Variants in SNW1 observed in about 807,000 individuals in gnomAD.
SNW1 encodes SNW domain containing 1.
In SNW1, 9 loss-of-function variants were observed where a neutral mutation model predicts 75.6. That is an observed-to-expected ratio of 0.12 (90% CI 0.07 to 0.21). The LOEUF (loss-of-function observed/expected upper bound fraction) is 0.21, where lower values mean the gene tolerates loss of function less well. Among genes scored for constraint, SNW1 ranks in the 10% least tolerant of loss-of-function variants. SNW1 has a pLI of 1.00. For synonymous variants in SNW1, 200 were observed against 219.1 expected, an observed-to-expected ratio of 0.91 and a Z score of 0.77; for missense variants, 409 against 670.9, an observed-to-expected ratio of 0.61 and a Z score of 4.31.
At chr14:77,737,649 A>G (rs1387594553) in intron 5 of SNW1, among the ~76,000 whole-genome samples, 2 of 152,196 alleles carry the variant, frequency 1.3e-5, no homozygotes, top group Non-Finnish European at 2.9e-5. Context: ...GATTTAGGTC[A>G]TATACCACAA....
intron 1 of SNW1, chr14:77,760,596 G>A: frequency 1.4e-6 from 1 of 693,094 alleles, no homozygotes; most frequent in Admixed American, 2.0e-5. Flanking sequence ...TCAGCAGACG[G>A]CGGTCACTAC....
chr14:77,728,163 G>T (rs1483422857), intron 10 of SNW1, among the ~76,000 whole-genome samples: 1 of 151,900 alleles, frequency 6.6e-6, no homozygotes, highest in Non-Finnish European at 1.5e-5. Flanking sequence ...TAAAATGTCA[G>T]GAAAGGCTGG....
intron 10 of SNW1, among the ~76,000 whole-genome samples, chr14:77,725,191 T>G (rs1419206145): frequency 6.6e-6 from 1 of 152,232 alleles, no homozygotes; most frequent in Non-Finnish European, 1.5e-5. Context: ...TAAAATCAGA[T>G]TATCTCGTTT....
chr14:77,755,158 A>T, intron 1 of SNW1, 38 bp from the exon 2 acceptor site: 1 of 1,579,552 alleles, frequency 6.3e-7, no homozygotes. Flanking sequence ...AATTTAAAAA[A>T]CTCTTATGTT....
At chr14:77,745,629 C>A (rs1025483920) in intron 3 of SNW1, among the ~76,000 whole-genome samples, 1 of 152,186 alleles carries the variant, frequency 6.6e-6, no homozygotes, top group African/African-American at 2.4e-5. Flanking sequence ...ACTGCTTGAA[C>A]TGGGAAGGCT....
In SNW1 at chr14:77,718,306, A is replaced by T. The variant is rs1356661154; in HGVS notation, c.1413-20T>A. 3 of 1,614,056 alleles carry T rather than the reference A, an allele frequency of 1.9e-6. No homozygotes were observed. The highest frequency in any genetic ancestry group is 2.2e-5 in the South Asian group (2 of 91,080). On this transcript the variant is annotated intron_variant, in intron 13 of 13. Transcript: ENST00000261531. ...ACAAATCTAAGGAAAAGGAGAAAAA[A>T]CTATGAACTACTTTGCTTTCACCAG... is the stretch of plus-strand genomic sequence containing the variant.
intron 11 of SNW1, among the ~76,000 whole-genome samples, chr14:77,721,669 ACAT>A (rs2080541731): frequency 1.3e-5 from 2 of 152,238 alleles, no homozygotes; most frequent in Admixed American, 6.5e-5. Context: ...CTTCTCCATG[ACAT>A]CATTTATCCA....
At chr14:77,721,625 C>G (rs2080541188) in intron 11 of SNW1, among the ~76,000 whole-genome samples, 1 of 152,146 alleles carries the variant, frequency 6.6e-6, no homozygotes, top group East Asian at 1.9e-4. Flanking sequence ...TCTACATGTA[C>G]TTTACCCTCA....
At chr14:77,739,560 CAT>C (rs1457861675) in intron 3 of SNW1, among the ~76,000 whole-genome samples, 2 of 150,644 alleles carry the variant, frequency 1.3e-5, no homozygotes, top group Non-Finnish European at 3.0e-5. Context: ...AGAAAATAAA[CAT>C]GTGCCACAGT....
intron 3 of SNW1, among the ~76,000 whole-genome samples, chr14:77,746,696 T>TA (rs925287825): frequency 1.1e-4 from 17 of 149,342 alleles, no homozygotes; most frequent in South Asian, 4.3e-4. Flanking sequence ...TATAGATTAA[T>TA]AAAAAAAAAT....
intron 5 of SNW1, among the ~76,000 whole-genome samples, chr14:77,737,514 T>C (rs2080682544): frequency 6.6e-6 from 1 of 152,134 alleles, no homozygotes; most frequent in African/African-American, 2.4e-5. Flanking sequence ...GCTCTGAATT[T>C]TTCCTCAATA....
In SNW1 at chr14:77,735,434, C is replaced by T. The variant is rs568807944; in HGVS notation, c.709-422G>A. ...CCAAGTAGCTGGGATTATAGGCATG[C>T]GCCACCATGCCCAGCTAATTTTTTT... On this transcript the variant is annotated intron_variant, in intron 7 of 13. Coordinates refer to ENST00000261531, the MANE Select transcript of SNW1 (RefSeq NM_012245.3). 6.6e-5 allele frequency among the ~76,000 whole-genome samples: 10 copies of T among 152,026 alleles called. No individual in the cohort carries two copies. The East Asian group carries it at 1.4e-3, about 21-fold the overall frequency.
At chr14:77,736,554 AC>A (rs1487112931) in intron 6 of SNW1, among the ~76,000 whole-genome samples, 34 of 149,062 alleles carry the variant, frequency 2.3e-4, no homozygotes, top group African/African-American at 6.7e-4. Flanking sequence ...CTCTCAAAAA[AC>A]AAAAACAAAA....
At position 77,717,663 on chromosome 14, in the gene SNW1, C is replaced by T; in HGVS notation, c.*425G>A. 8.3e-7 allele frequency: 1 copy of T among 1,206,280 alleles called. No individual in the cohort carries two copies. Among genetic ancestry groups the T allele is most frequent in the Non-Finnish European group, 1.2e-6 (1 of 842,282 alleles). 74.7% of individuals were successfully genotyped at this position (1,206,280 alleles called of 1,614,324 possible). A position where few individuals can be genotyped will look rare whatever the true frequency, so the allele number is the denominator to read the frequency against. ...CAAGCAAGAGGTTACTTTGCCCACT[C>T]CAAATTAAAACAGAGCACAATAGGG... is the stretch of plus-strand genomic sequence containing the variant. On this transcript the variant is annotated 3_prime_UTR_variant, in exon 14 of 14. Coordinates refer to ENST00000261531, the MANE Select transcript of SNW1 (RefSeq NM_012245.3).
At chr14:77,730,037 T>C (rs1463440718) in intron 10 of SNW1, among the ~76,000 whole-genome samples, 3 of 152,186 alleles carry the variant, frequency 2.0e-5, no homozygotes, top group Non-Finnish European at 4.4e-5. Context: ...CTGCTCTTCC[T>C]TGGGCCACAC....
At chr14:77,748,219 G>C (rs1023257982) in intron 3 of SNW1, among the ~76,000 whole-genome samples, 1 of 152,092 alleles carries the variant, frequency 6.6e-6, no homozygotes, top group African/African-American at 2.4e-5. Context: ...CAGCATGCTT[G>C]TTAAGAGTCA....
intron 3 of SNW1, among the ~76,000 whole-genome samples, chr14:77,739,958 C>T (rs186035763): frequency 6.6e-6 from 1 of 151,586 alleles, no homozygotes; most frequent in Admixed American, 6.6e-5. Flanking sequence ...CATGGTGAAA[C>T]CCCGTCTCTA....
intron 3 of SNW1, among the ~76,000 whole-genome samples, chr14:77,747,980 T>C (rs1468208558): frequency 6.6e-6 from 1 of 152,022 alleles, no homozygotes; most frequent in African/African-American, 2.4e-5. Flanking sequence ...AGGGGGGAAA[T>C]GTGGGGAAAA....
intron 1 of SNW1, among the ~76,000 whole-genome samples, chr14:77,755,765 G>C (rs1454163409): frequency 6.7e-6 from 1 of 149,116 alleles, no homozygotes; most frequent in Non-Finnish European, 1.5e-5. Context: ...TTGAGACAGA[G>C]TCTCTCTGTG....
Sources: allele counts gnomAD v4.1 joint callset (sites outside exome capture counted in the v4.1 genomes callset), GRCh38; gene constraint gnomAD v4.1.1; transcripts MANE v1.5; gene names NCBI Gene and HGNC (gene_info 2026-07-23, HGNC 2026-07-21).